The following PRKD1 variants were observed in gnomAD, a reference collection of about 807,000 sequenced individuals.
The protein encoded by PRKD1 is serine/threonine-protein kinase D1.
PRKD1 carries 63 observed loss-of-function variants against 95.9 expected under a neutral mutation model. That is an observed-to-expected ratio of 0.66 (90% CI 0.54 to 0.81). PRKD1 has a LOEUF of 0.81. Among genes scored for constraint, PRKD1 ranks in the 30% least tolerant of loss-of-function variants. The probability of loss-of-function intolerance (pLI) is 0.00; values close to 1 mark genes in which losing one functional copy is unlikely to be tolerated. For missense variants in PRKD1, 1,048 were observed against 1,165.3 expected (o/e 0.90, Z 1.47); for synonymous variants, 425 against 423.1 (o/e 1.00, Z -0.05).
chr14:29,860,335 A>G lies in PRKD1; in HGVS notation c.264+66914T>C, dbSNP rs537689301. ...CACTTTTCTGAAAGAATGAAATCCAAACTAAATCACATCGTGTGTAGCTCA... is the reference window on the plus strand; with the variant it reads ...CACTTTTCTGAAAGAATGAAATCCAGACTAAATCACATCGTGTGTAGCTCA... On this transcript the variant is annotated intron_variant, in intron 1 of 17. Transcript: ENST00000331968. 2.0e-5 allele frequency among the ~76,000 whole-genome samples: 3 copies of G among 152,314 alleles called. No homozygotes were observed. In the South Asian group the frequency reaches 6.2e-4, roughly 32 times the overall value.
At chr14:29,851,521 C>G (rs922891759) in intron 1 of PRKD1, among the ~76,000 whole-genome samples, 2 of 152,116 alleles carry the variant, frequency 1.3e-5, no homozygotes, top group Non-Finnish European at 1.5e-5. Context: ...TCAAAAACCA[C>G]AATGAGATAC....
At chr14:29,861,000 C>T (rs1471120032) in intron 1 of PRKD1, among the ~76,000 whole-genome samples, 2 of 152,070 alleles carry the variant, frequency 1.3e-5, no homozygotes, top group Non-Finnish European at 2.9e-5. Flanking sequence ...GTCCAATTTT[C>T]GAACCTAGAT....
At chr14:29,850,700 C>G (rs555860154) in intron 1 of PRKD1, among the ~76,000 whole-genome samples, 85 of 152,054 alleles carry the variant, frequency 5.6e-4, no homozygotes, top group African/African-American at 1.8e-3. Flanking sequence ...ATAGCAATCT[C>G]ATTTTTCATG....
chr14:29,783,050 A>G (rs961303449), intron 1 of PRKD1, among the ~76,000 whole-genome samples: 2 of 152,194 alleles, frequency 1.3e-5, no homozygotes, highest in Non-Finnish European at 2.9e-5. Flanking sequence ...CATAAAATAA[A>G]TCATTGTTAA....
intron 2 of PRKD1, among the ~76,000 whole-genome samples, chr14:29,685,615 G>T (rs1323169073): frequency 6.6e-6 from 1 of 152,134 alleles, no homozygotes; most frequent in African/African-American, 2.4e-5. Flanking sequence ...ATATTTTCCA[G>T]TAAAGGTGAT....
chr14:29,765,185 A>G (rs1181380330), intron 1 of PRKD1, among the ~76,000 whole-genome samples: 1 of 152,218 alleles, frequency 6.6e-6, no homozygotes, highest in East Asian at 1.9e-4. Flanking sequence ...ACTAGTATCC[A>G]GAAGATAACA....
chr14:29,718,678 T>C (rs1326336970), intron 2 of PRKD1, among the ~76,000 whole-genome samples: 1 of 152,172 alleles, frequency 6.6e-6, no homozygotes, highest in African/African-American at 2.4e-5. Context: ...CAACTGAAGT[T>C]AGAGAAGATT....
At chr14:29,592,984 G>A (rs1362668228) in intron 16 of PRKD1, among the ~76,000 whole-genome samples, 1 of 152,092 alleles carries the variant, frequency 6.6e-6, no homozygotes, top group African/African-American at 2.4e-5. Flanking sequence ...CTGGATAAGA[G>A]CATCTGCCTT....
chr14:29,704,676 A>G (rs1884993003), intron 2 of PRKD1, among the ~76,000 whole-genome samples: 1 of 152,040 alleles, frequency 6.6e-6, no homozygotes, highest in South Asian at 2.1e-4. Flanking sequence ...CCTCAACAGT[A>G]ACTGGTTTTC....
rs45576333 is a variant in PRKD1 at position 29,640,873 on chromosome 14, T to C, written c.697-1969A>G. Among the ~76,000 whole-genome samples, 826 of 152,318 alleles carry C rather than the reference T, an allele frequency of 5.4e-3. 8 individuals are homozygous for C. Among genetic ancestry groups the C allele is most frequent in the African/African-American group, 0.018 (757 of 41,574 alleles). The stretch of plus-strand genomic sequence containing the variant: ...TTCAGTTACATTCCTTAATTTAAGA[T>C]ACCTAATTGTAGGCTGTGCTAACAG... On this transcript the variant is annotated intron_variant, in intron 4 of 17. Transcript: ENST00000331968.
chr14:29,867,049 T>C (rs1450390091), intron 1 of PRKD1, among the ~76,000 whole-genome samples: 1 of 152,146 alleles, frequency 6.6e-6, no homozygotes, highest in East Asian at 1.9e-4. Flanking sequence ...TTTTCTAATG[T>C]CATCTGGCTG....
In PRKD1 at chr14:29,886,656, C is replaced by G. The variant is rs544382406; in HGVS notation, c.264+40593G>C. Among the ~76,000 whole-genome samples the G allele has an allele frequency of 4.6e-5, 7 of 152,310 alleles. No homozygotes were observed. The South Asian group carries it at 1.5e-3, about 32-fold the overall frequency. On this transcript the variant is annotated intron_variant, in intron 1 of 17. Transcript: ENST00000331968. ...TTATTCTATCACCATCTGCTGATAT[C>G]CTTTCAGCCAATTCTCTTAATAAAA...
intron 2 of PRKD1, among the ~76,000 whole-genome samples, chr14:29,706,915 G>A (rs1267778698): frequency 6.6e-6 from 1 of 152,080 alleles, no homozygotes; most frequent in Non-Finnish European, 1.5e-5. Flanking sequence ...AAGATGAATT[G>A]AAATTAGCCA....
At chr14:29,805,148 AT>A (rs5807551) in intron 1 of PRKD1, among the ~76,000 whole-genome samples, 2,451 of 152,276 alleles carry the variant, frequency 0.016, 65 homozygotes, top group African/African-American at 0.052. Flanking sequence ...TCTGATCTGC[AT>A]TTCTACAACC....
chr14:29,904,202 G>A (rs1233272502), intron 1 of PRKD1, among the ~76,000 whole-genome samples: 2 of 152,116 alleles, frequency 1.3e-5, no homozygotes, highest in Non-Finnish European at 2.9e-5. Flanking sequence ...ACTACAACAG[G>A]AATTGAAGCT....
chr14:29,612,607 T>C lies in PRKD1; in HGVS notation c.1905+11545A>G, dbSNP rs181070725. On this transcript the variant is annotated intron_variant, in intron 13 of 17. Transcript: ENST00000331968. ...AACCTAGCCTTTTGACACTAACTTT[T>C]TACGATGATTTAACTTCTGACAGAA... 2.7e-3 allele frequency among the ~76,000 whole-genome samples: 415 copies of C among 152,312 alleles called. 2 individuals are homozygous for C. The highest frequency in any genetic ancestry group is 9.2e-3 in the African/African-American group (384 of 41,584).
At chr14:29,608,282 A>C (rs1181598366) in intron 13 of PRKD1, among the ~76,000 whole-genome samples, 1 of 152,176 alleles carries the variant, frequency 6.6e-6, no homozygotes, top group Non-Finnish European at 1.5e-5. Flanking sequence ...ATTAAAGAAC[A>C]AAAGGATACA....
At chr14:29,852,866 C>A (rs1047176052) in intron 1 of PRKD1, among the ~76,000 whole-genome samples, 1 of 152,020 alleles carries the variant, frequency 6.6e-6, no homozygotes, top group African/African-American at 2.4e-5. Flanking sequence ...AGCAAAATGA[C>A]AAAGTAAATC....
At chr14:29,831,051 T>C (rs918032059) in intron 1 of PRKD1, among the ~76,000 whole-genome samples, 1 of 152,214 alleles carries the variant, frequency 6.6e-6, no homozygotes, top group African/African-American at 2.4e-5. Flanking sequence ...TATCTCATAA[T>C]TAATTCGGTT....
Sources: gnomAD v4.1 joint callset for allele counts (sites outside exome capture counted in the v4.1 genomes callset) on GRCh38, gnomAD v4.1.1 for gene constraint, MANE v1.5 for transcripts, NCBI Gene and HGNC (gene_info 2026-07-23, HGNC 2026-07-21) for gene names.